KCNH8: variants seen among roughly 807,000 people sequenced by gnomAD.
KCNH8 encodes potassium voltage-gated channel subfamily H member 8, also known as voltage-gated delayed rectifier potassium channel KCNH8.
KCNH8 carries 70 observed loss-of-function variants against 103.6 expected under a neutral mutation model. The ratio of observed to expected loss-of-function variants is 0.68; its 90% CI spans 0.56 to 0.82. The LOEUF is 0.82. KCNH8 is among the 40% of genes least tolerant of loss of function. The pLI is 0.00. For missense variants in KCNH8, 1,217 were observed against 1,329.9 expected, an observed-to-expected ratio of 0.92 and a Z score of 1.32; for synonymous variants, 498 against 489.4, an observed-to-expected ratio of 1.02 and a Z score of -0.23.
chr3:19,183,439 G>A (rs2063475175), intron 1 of KCNH8, among the ~76,000 whole-genome samples: 1 of 151,972 alleles, frequency 6.6e-6, no homozygotes, highest in African/African-American at 2.4e-5. Flanking sequence ...CAATGACAAT[G>A]GAATCGAATA....
intron 4 of KCNH8, 39 bp from the exon 5 acceptor site, chr3:19,347,686 T>A: frequency 6.2e-7 from 1 of 1,606,746 alleles, no homozygotes; most frequent in Non-Finnish European, 8.5e-7. Flanking sequence ...TTTCTAATGT[T>A]GTGTTTCTCC....
At chr3:19,390,152 C>T (rs1355485299) in intron 5 of KCNH8, among the ~76,000 whole-genome samples, 1 of 151,992 alleles carries the variant, frequency 6.6e-6, no homozygotes, top group African/African-American at 2.4e-5. Flanking sequence ...GCTATTGCTA[C>T]GATTATTTAT....
intron 11 of KCNH8, among the ~76,000 whole-genome samples, chr3:19,488,604 G>A (rs1002023915): frequency 6.6e-6 from 1 of 151,988 alleles, no homozygotes; most frequent in East Asian, 1.9e-4. Flanking sequence ...CCTTTTTCTT[G>A]GATGACCTCA....
intron 1 of KCNH8, among the ~76,000 whole-genome samples, chr3:19,174,188 T>G (rs1396224516): frequency 6.6e-6 from 1 of 152,000 alleles, no homozygotes; most frequent in Non-Finnish European, 1.5e-5. Flanking sequence ...AGGCCCCATA[T>G]CTACAGAAAT....
chr3:19,512,890 A>G (rs2068805890), intron 12 of KCNH8, 80 bp from the exon 13 acceptor site: 10 of 1,244,050 alleles, frequency 8.0e-6, no homozygotes, highest in Non-Finnish European at 1.0e-5. Flanking sequence ...ACTTTGTTCT[A>G]ATGAGACCTC....
At chr3:19,226,733 C>T (rs2063936657) in intron 1 of KCNH8, among the ~76,000 whole-genome samples, 1 of 152,064 alleles carries the variant, frequency 6.6e-6, no homozygotes, top group African/African-American at 2.4e-5. Flanking sequence ...AGTTGGGTGC[C>T]ATTCACAAAA....
rs1380626078 is a variant in KCNH8, at chr3:19,216,446, T to C, written c.77-37208T>C. The stretch of plus-strand genomic sequence containing the variant: ...ATTCTCAATAGAAATTCTCAGTTAT[T>C]ATCAATATCTACTAGTAATTCTTGA... On this transcript the variant is annotated intron_variant, in intron 1 of 15. Transcript: ENST00000328405. 3.9e-5 allele frequency among the ~76,000 whole-genome samples: 6 copies of C among 152,352 alleles called. No individual in the cohort carries two copies. In the South Asian group the frequency reaches 1.2e-3, roughly 32 times the overall value.
intron 5 of KCNH8, among the ~76,000 whole-genome samples, chr3:19,378,086 A>C (rs1018259122): frequency 2.6e-5 from 4 of 152,280 alleles, no homozygotes; most frequent in South Asian, 4.1e-4. Context: ...ATAATCATTT[A>C]GGGACTGAGA....
chr3:19,513,466 A>T, intron 13 of KCNH8, 141 bp downstream of exon 13: 1 of 1,209,160 alleles, frequency 8.3e-7, no homozygotes, highest in Non-Finnish European at 1.1e-6. Context: ...TTTTGTGGGC[A>T]ATTTTTTGAG....
At chr3:19,222,475 T>A (rs556182142) in intron 1 of KCNH8, among the ~76,000 whole-genome samples, 4 of 152,098 alleles carry the variant, frequency 2.6e-5, no homozygotes, top group Non-Finnish European at 5.9e-5. Flanking sequence ...TGAACTAGAG[T>A]TGACTAATTA....
At chr3:19,246,876 A>G (rs1296245163) in intron 1 of KCNH8, among the ~76,000 whole-genome samples, 1 of 152,172 alleles carries the variant, frequency 6.6e-6, no homozygotes, top group Non-Finnish European at 1.5e-5. Context: ...TATGCACCCA[A>G]TGGCAAGGTT....
At chr3:19,314,609 C>T (rs1048615896) in intron 3 of KCNH8, among the ~76,000 whole-genome samples, 1 of 151,808 alleles carries the variant, frequency 6.6e-6, no homozygotes, top group Non-Finnish European at 1.5e-5. Context: ...AACAAAAAAC[C>T]CCACAGTACT....
intron 5 of KCNH8, among the ~76,000 whole-genome samples, chr3:19,364,191 T>A (rs1200077708): frequency 6.6e-6 from 1 of 152,066 alleles, no homozygotes; most frequent in Non-Finnish European, 1.5e-5. Flanking sequence ...AAGGTGGCAA[T>A]GGAGGTCCGT....
intron 7 of KCNH8, among the ~76,000 whole-genome samples, chr3:19,408,239 A>G (rs1350209456): frequency 6.6e-6 from 1 of 152,140 alleles, no homozygotes; most frequent in Non-Finnish European, 1.5e-5. Context: ...TAGAATTTAT[A>G]CAAGCAAAGC....
At chr3:19,172,368 T>C (rs1202240218) in intron 1 of KCNH8, among the ~76,000 whole-genome samples, 1 of 151,032 alleles carries the variant, frequency 6.6e-6, no homozygotes, top group Non-Finnish European at 1.5e-5. Context: ...GATTTTTTTC[T>C]CCAGTGCCTT....
chr3:19,401,301 A>G (rs1415713562), intron 7 of KCNH8, among the ~76,000 whole-genome samples: 2 of 152,010 alleles, frequency 1.3e-5, no homozygotes, highest in Non-Finnish European at 2.9e-5. Flanking sequence ...GTTGTAAACA[A>G]CACTAACCAG....
chr3:19,431,865 A>C (rs2067127582), intron 7 of KCNH8, among the ~76,000 whole-genome samples: 1 of 151,668 alleles, frequency 6.6e-6, no homozygotes, highest in Non-Finnish European at 1.5e-5. Flanking sequence ...ATAATTTCTG[A>C]TTATGTTTAT....
At chr3:19,394,236 A>G (rs1436398942) in intron 6 of KCNH8, among the ~76,000 whole-genome samples, 1 of 152,014 alleles carries the variant, frequency 6.6e-6, no homozygotes, top group East Asian at 1.9e-4. Flanking sequence ...TGTTGTTTCT[A>G]TCTTAGAATG....
chr3:19,184,650 C>G (rs2063485840), intron 1 of KCNH8, among the ~76,000 whole-genome samples: 1 of 151,780 alleles, frequency 6.6e-6, no homozygotes, highest in African/African-American at 2.4e-5. Context: ...CCCTAGGATG[C>G]ACTGTGACTC....
Sources: gnomAD v4.1 joint callset for allele counts (sites outside exome capture counted in the v4.1 genomes callset) on GRCh38, gnomAD v4.1.1 for gene constraint, MANE v1.5 for transcripts, NCBI Gene and HGNC (gene_info 2026-07-23, HGNC 2026-07-21) for gene names.